Variants in SHLD2 observed in about 807,000 individuals in gnomAD.
SHLD2 encodes the protein RINN1-REV7-interacting novel NHEJ regulator 2.
A neutral mutation model predicts 73.2 loss-of-function variants in SHLD2; 30 were observed. The ratio of observed to expected loss-of-function variants is 0.41; its 90% CI spans 0.31 to 0.56. The LOEUF (loss-of-function observed/expected upper bound fraction) is 0.56. Among genes scored for constraint, SHLD2 ranks in the 20% least tolerant of loss-of-function variants. SHLD2 has a pLI of 0.28. For synonymous variants in SHLD2, 285 were observed against 370.1 expected (o/e 0.77, Z 2.64); for missense variants, 745 against 1,055.9 (o/e 0.71, Z 4.08).
At chr10:87,094,938 G>A, upstream of SHLD2, 1 of 332,718 alleles carries the variant, frequency 3.0e-6, no homozygotes, top group Non-Finnish European at 5.3e-6. The surrounding 1 kb of genome is among the most constrained non-coding windows in gnomAD (Gnocchi z 6.6). Flanking sequence ...CGGGGAGGAC[G>A]GACTTCGGGG....
chr10:87,094,747 G>T (rs772562154), upstream of SHLD2: 1 of 1,533,328 alleles, frequency 6.5e-7, no homozygotes, highest in Non-Finnish European at 8.8e-7. The surrounding 1 kb of genome is among the most constrained non-coding windows in gnomAD (Gnocchi z 6.6). Context: ...CAGCAACAGC[G>T]CTTCGCCCAG....
At chr10:87,127,525 A>ACCCCCCCCC (rs1434245122) in intron 2 of SHLD2, among the ~76,000 whole-genome samples, 1 of 29,002 alleles carries the variant, frequency 3.4e-5, no homozygotes, top group Non-Finnish European at 5.5e-5. Context: ...TGTCCCTCTT[A>ACCCCCCCCC]CCCGCCCCCC....
chr10:87,166,898 G>T (rs1274191236), intron 4 of SHLD2, among the ~76,000 whole-genome samples: 2 of 151,874 alleles, frequency 1.3e-5, no homozygotes, highest in Admixed American at 1.3e-4. Context: ...TTCTGTAAAA[G>T]ATACAAGTTT....
Position 87,143,186 on chromosome 10 carries a change from A to C in SHLD2, c.-5-8164A>C, listed in dbSNP as rs1420387093. Among the ~76,000 whole-genome samples, 2 of 151,974 alleles carry C rather than the reference A, an allele frequency of 1.3e-5. 1 individual carries two copies. The highest frequency in any genetic ancestry group is 2.9e-5 in the Non-Finnish European group (2 of 67,986). On this transcript the variant is annotated intron_variant, in intron 2 of 9. Transcript: ENST00000298786. The stretch of plus-strand genomic sequence containing the variant: ...TGAGCTGAAGCAACCTGTCTGCCTC[A>C]GCCTCCCAAAGTAAAGTACTGTAAT...
At chr10:87,165,883 G>A (rs1847162209) in intron 4 of SHLD2, among the ~76,000 whole-genome samples, 1 of 152,106 alleles carries the variant, frequency 6.6e-6, no homozygotes, top group Admixed American at 6.6e-5. Flanking sequence ...TACTATTTTT[G>A]CAACTTTTTT....
chr10:87,132,839 C>A (rs936870128), intron 2 of SHLD2, among the ~76,000 whole-genome samples: 3 of 152,110 alleles, frequency 2.0e-5, no homozygotes, highest in African/African-American at 7.2e-5. Flanking sequence ...GGTATAGAAT[C>A]CTATCTAATA....
chr10:87,125,977 C>T (rs1447360396), intron 2 of SHLD2, among the ~76,000 whole-genome samples: 1 of 151,988 alleles, frequency 6.6e-6, no homozygotes, highest in Non-Finnish European at 1.5e-5. Flanking sequence ...TTTTTTGGTA[C>T]CTAAAATAAT....
In SHLD2 at chr10:87,187,076, C is replaced by T; in HGVS notation, c.2400-9C>T. ...TTTTGAAGGTCGTGTGTTGTTTACT[C>T]TTTTGTAGGCCAGCGTTAATGACTG... On this transcript the variant is annotated splice_polypyrimidine_tract_variant and intron_variant, in intron 8 of 9. Transcript: ENST00000298786. 6.3e-7 allele frequency: 1 copy of T among 1,576,334 alleles called. No homozygotes were observed. The highest frequency in any genetic ancestry group is 8.7e-7 in the Non-Finnish European group (1 of 1,146,238).
At chr10:87,096,912 G>A (rs1841938386) in intron 1 of SHLD2, 22 bp from the exon 2 acceptor site, 1 of 152,128 alleles carries the variant, frequency 6.6e-6, no homozygotes, top group Admixed American at 6.6e-5. Flanking sequence ...GTCATTAATT[G>A]TATTTGCACT....
intron 3 of SHLD2, among the ~76,000 whole-genome samples, chr10:87,155,283 C>T (rs1277927276): frequency 6.6e-6 from 1 of 152,116 alleles, no homozygotes; most frequent in Non-Finnish European, 1.5e-5. Flanking sequence ...AATGAACAGG[C>T]TTAGCATAGC....
chr10:87,111,305 G>A (rs543694507), intron 2 of SHLD2, among the ~76,000 whole-genome samples: 6 of 152,142 alleles, frequency 3.9e-5, no homozygotes, highest in Non-Finnish European at 8.8e-5. Context: ...TGGGACTGTA[G>A]GCATGTGCCA....
chr10:87,132,609 T>C (rs1844507515), intron 2 of SHLD2, among the ~76,000 whole-genome samples: 1 of 152,022 alleles, frequency 6.6e-6, no homozygotes, highest in Admixed American at 6.6e-5. Flanking sequence ...ACCCCATCTC[T>C]ACAAAAAATG....
chr10:87,117,368 G>A (rs533350125), intron 2 of SHLD2, among the ~76,000 whole-genome samples: 2 of 152,284 alleles, frequency 1.3e-5, no homozygotes, highest in Admixed American at 6.5e-5. Context: ...TCGGTGAGCC[G>A]AGATTGCACC....
At position 87,152,837 on chromosome 10, in the gene SHLD2, T is replaced by G; in HGVS notation, c.1483T>G (p.Trp495Gly). 6.2e-7 allele frequency: 1 copy of G among 1,611,886 alleles called. No individual in the cohort carries two copies. Among genetic ancestry groups the G allele is most frequent in the Non-Finnish European group, 8.5e-7 (1 of 1,179,834 alleles). Residue 495 changes from tryptophan to glycine, a missense_variant, in exon 3 of 10, where the codon TGG (tryptophan) becomes GGG (glycine). This residue lies in a region of SHLD2 where 418 missense variants were observed against 567.8 expected (regional missense o/e 0.74). Coordinates refer to ENST00000298786, the MANE Select transcript of SHLD2 (RefSeq NM_001330112.2). Reference protein sequence around the residue: ...KVFLWRTAAFWAFTVFLGDII... With the variant: ...KVFLWRTAAFGAFTVFLGDII... ...TTTTCTGTGGAGGACTGCAGCATTT[T>G]GGGCATTTACAGTGTTTCTTGGAGA...
At chr10:87,149,906 A>G (rs993642293) in intron 2 of SHLD2, among the ~76,000 whole-genome samples, 2 of 151,678 alleles carry the variant, frequency 1.3e-5, no homozygotes, top group Admixed American at 6.6e-5. Context: ...ATTTTAAGAA[A>G]TTTTTTAGTT....
intron 6 of SHLD2, among the ~76,000 whole-genome samples, chr10:87,172,180 CATTTT>C: frequency 6.6e-6 from 1 of 152,306 alleles, no homozygotes; most frequent in African/African-American, 2.4e-5. Context: ...TTATAACCAT[CATTTT>C]AAAGTTTTAA....
intron 3 of SHLD2, among the ~76,000 whole-genome samples, chr10:87,154,936 A>G (rs968110876): frequency 2.6e-5 from 4 of 151,828 alleles, no homozygotes; most frequent in Non-Finnish European, 4.4e-5. Context: ...GTCAAGTACA[A>G]TCTTTTTTGT....
intron 2 of SHLD2, among the ~76,000 whole-genome samples, chr10:87,122,031 C>A (rs1268415713): frequency 1.3e-5 from 2 of 151,892 alleles, no homozygotes; most frequent in Non-Finnish European, 2.9e-5. Context: ...TCCCAAAGTT[C>A]TGGGATTACA....
At chr10:87,105,087 A>G (rs1212358417) in intron 2 of SHLD2, among the ~76,000 whole-genome samples, 2 of 152,200 alleles carry the variant, frequency 1.3e-5, no homozygotes, top group Non-Finnish European at 1.5e-5. Flanking sequence ...TTCATCATTC[A>G]AGATGCCTTG....
Sources: gnomAD v4.1 joint callset for allele counts (sites outside exome capture counted in the v4.1 genomes callset) on GRCh38, gnomAD v4.1.1 for gene constraint, gnomAD v4.1.1 regional missense constraint, Gnocchi (gnomAD v3.1) non-coding constraint, MANE v1.5 for transcripts, NCBI Gene and HGNC (gene_info 2026-07-23, HGNC 2026-07-21) for gene names.